The following MFSD11 variants were observed in gnomAD, a reference collection of about 807,000 sequenced individuals.
MFSD11 encodes UNC93-like protein MFSD11.
In MFSD11, 36 loss-of-function variants were observed where a neutral mutation model predicts 53.5. The observed-to-expected ratio is 0.67, with a 90% CI of 0.52 to 0.89. The LOEUF (loss-of-function observed/expected upper bound fraction) is 0.89, where lower values mean the gene tolerates loss of function less well. MFSD11 is among the 40% of genes least tolerant of loss of function. The pLI, the probability that MFSD11 is intolerant of heterozygous loss-of-function variation, is 0.00. For synonymous variants in MFSD11, 186 were observed against 184.9 expected, an observed-to-expected ratio of 1.01 and a Z score of -0.05; for missense variants, 530 against 543.9, an observed-to-expected ratio of 0.97 and a Z score of 0.25.
At chr17:76,780,703 A>G (rs1189422214), downstream of MFSD11, among the ~76,000 whole-genome samples, 1 of 151,634 alleles carries the variant, frequency 6.6e-6, no homozygotes, top group African/African-American at 2.4e-5. Flanking sequence ...TTCAGTAGAG[A>G]CGGGGTTTCA....
chr17:76,764,705 A>G lies in MFSD11; in HGVS notation c.683-2681A>G, dbSNP rs1318175402. 3.3e-5 allele frequency among the ~76,000 whole-genome samples: 5 copies of G among 152,286 alleles called. No individual in the cohort carries two copies. In the East Asian group the frequency reaches 9.6e-4, roughly 29 times the overall value. ...AATTAATACACACACACACACACAC[A>G]TATACATATAATAGTGCTGTAATGA... On this transcript the variant is annotated intron_variant, in intron 8 of 12. Coordinates refer to ENST00000685175, the MANE Select transcript of MFSD11 (RefSeq NM_001242532.5).
intron 8 of MFSD11, among the ~76,000 whole-genome samples, chr17:76,760,599 C>T (rs527893943): frequency 2.5e-4 from 38 of 151,836 alleles, no homozygotes; most frequent in Admixed American, 2.0e-3. Context: ...GGCGCGATCT[C>T]GGCTCACTGC....
chr17:76,789,639 G>T, the MFSD11 span, among the ~76,000 whole-genome samples: 1 of 149,928 alleles, frequency 6.7e-6, no homozygotes, highest in African/African-American at 2.4e-5. Context: ...TTTAACAACT[G>T]CCTGACCATC....
intron 3 of MFSD11, 58 bp from the exon 4 acceptor site, chr17:76,741,911 A>C: frequency 6.2e-7 from 1 of 1,612,482 alleles, no homozygotes; most frequent in Non-Finnish European, 8.5e-7. Flanking sequence ...AGAAGGCATA[A>C]TTGGCATTCT....
chr17:76,778,883 A>G lies in MFSD11; in HGVS notation c.*531A>G, dbSNP rs1272137634. ...TGAGACAGAAGGATCACTTCAGCCC[A>G]GGAGATTGAGGCTGCGGTGAGCTAT... On this transcript the variant is annotated 3_prime_UTR_variant, in exon 13 of 13. Coordinates refer to ENST00000685175, the MANE Select transcript of MFSD11 (RefSeq NM_001242532.5). 1 of 155,294 alleles carries G rather than the reference A, an allele frequency of 6.4e-6. No homozygotes were observed. Among genetic ancestry groups the G allele is most frequent in the African/African-American group, 2.4e-5 (1 of 41,454 alleles). The allele number at this position is 155,294 out of a possible 1,614,324, so 9.6% of individuals were successfully genotyped here.
At chr17:76,792,587 C>T in the MFSD11 span, among the ~76,000 whole-genome samples, 60 of 151,200 alleles carry the variant, frequency 4.0e-4, 1 homozygote, top group African/African-American at 1.4e-3. Context: ...CAGGTAAGTG[C>T]AGATAAGGAC....
the MFSD11 span, among the ~76,000 whole-genome samples, chr17:76,798,175 A>C: frequency 8.0e-4 from 122 of 152,272 alleles, no homozygotes; most frequent in African/African-American, 2.6e-3. Flanking sequence ...CGTCGGAGCC[A>C]CCATGCCTGG....
intron 7 of MFSD11, among the ~76,000 whole-genome samples, chr17:76,746,278 G>C (rs1261514405): frequency 6.6e-6 from 1 of 152,180 alleles, no homozygotes; most frequent in Non-Finnish European, 1.5e-5. Flanking sequence ...GGAATCTTTA[G>C]AAGAAAAATT....
chr17:76,792,190 C>T, the MFSD11 span, among the ~76,000 whole-genome samples: 3 of 149,202 alleles, frequency 2.0e-5, no homozygotes, highest in African/African-American at 7.5e-5. Flanking sequence ...ACTATCTTGG[C>T]TCACTGCAAC....
intron 2 of MFSD11, 54 bp downstream of exon 2, chr17:76,739,047 C>T: frequency 7.4e-7 from 1 of 1,350,630 alleles, no homozygotes; most frequent in Non-Finnish European, 1.1e-6. Context: ...TTGCTTAAAT[C>T]TCATCAGAAT....
upstream of MFSD11, chr17:76,737,249 C>T (rs770528758): frequency 3.6e-4 from 516 of 1,449,708 alleles, no homozygotes; most frequent in Non-Finnish European, 4.5e-4. Context: ...AGGCAGTTGC[C>T]TTCCGCGTGG....
At chr17:76,771,988 C>T (rs946608499) in intron 10 of MFSD11, among the ~76,000 whole-genome samples, 10 of 152,124 alleles carry the variant, frequency 6.6e-5, no homozygotes, top group Non-Finnish European at 1.0e-4. Flanking sequence ...GCGGGCGAAG[C>T]TTAGCCATGG....
intron 2 of MFSD11, among the ~76,000 whole-genome samples, chr17:76,740,265 T>C (rs1199934354): frequency 6.6e-6 from 1 of 152,124 alleles, no homozygotes; most frequent in Non-Finnish European, 1.5e-5. Context: ...TTTGGATTTA[T>C]GAATAGTATC....
chr17:76,770,714 C>A lies in MFSD11; in HGVS notation c.874+843C>A, dbSNP rs537908534. 7.9e-5 allele frequency among the ~76,000 whole-genome samples: 12 copies of A among 152,240 alleles called. No individual in the cohort carries two copies. In the South Asian group the frequency reaches 2.1e-3, roughly 26 times the overall value. On this transcript the variant is annotated intron_variant, in intron 10 of 12. Coordinates refer to ENST00000685175, the MANE Select transcript of MFSD11 (RefSeq NM_001242532.5). ...ATTTGCTAGAGCAACTCACAGAACT[C>A]AGGAAAATGCTCTCCTGACTATTAG...
At chr17:76,791,164 T>C in the MFSD11 span, among the ~76,000 whole-genome samples, 4 of 148,648 alleles carry the variant, frequency 2.7e-5, no homozygotes, top group African/African-American at 7.5e-5. Context: ...TCTGAGCTGC[T>C]ATTAAATCTG....
At chr17:76,739,913 T>C (rs2077891176) in intron 2 of MFSD11, among the ~76,000 whole-genome samples, 1 of 152,024 alleles carries the variant, frequency 6.6e-6, no homozygotes. Flanking sequence ...ACGCCTGTAA[T>C]CCCAGCGCTT....
At chr17:76,737,838 C>G (rs969265755), upstream of MFSD11, 3 of 162,402 alleles carry the variant, frequency 1.8e-5, no homozygotes, top group African/African-American at 4.8e-5. Context: ...CTTCCCAACC[C>G]CCTTTCGCCA....
At chr17:76,765,243 G>A (rs970320012) in intron 8 of MFSD11, among the ~76,000 whole-genome samples, 5 of 151,890 alleles carry the variant, frequency 3.3e-5, no homozygotes, top group Non-Finnish European at 5.9e-5. Flanking sequence ...TTGTAGTCAC[G>A]CCATTTGCTG....
upstream of MFSD11, chr17:76,736,725 C>T: frequency 7.3e-7 from 1 of 1,365,692 alleles, no homozygotes. Flanking sequence ...TGCTTCGCCG[C>T]GGACCTTTGT....
Sources: allele counts gnomAD v4.1 joint callset (sites outside exome capture counted in the v4.1 genomes callset), GRCh38; gene constraint gnomAD v4.1.1; transcripts MANE v1.5; gene names NCBI Gene and HGNC (gene_info 2026-07-23, HGNC 2026-07-21).